Variants in SLC24A2 observed in about 807,000 individuals in gnomAD.
SLC24A2 encodes the protein sodium/potassium/calcium exchanger 2.
Under a neutral mutation model 62.0 loss-of-function variants are expected in SLC24A2, and 36 were observed. The observed-to-expected ratio is 0.58, with a 90% CI of 0.44 to 0.77. SLC24A2 has a LOEUF of 0.77. SLC24A2 is among the 30% of genes least tolerant of loss of function. SLC24A2 has a pLI of 0.00. For synonymous variants in SLC24A2, 358 were observed against 294.0 expected (o/e 1.22, Z -2.23); for missense variants, 846 against 817.9 (o/e 1.03, Z -0.42).
At chr9:19,577,151 A>G (rs1200390594) in intron 5 of SLC24A2, 129 bp from the exon 6 acceptor site, 2 of 775,054 alleles carry the variant, frequency 2.6e-6, no homozygotes, top group Non-Finnish European at 4.7e-6. Context: ...TCCAACCCCA[A>G]TGCACCAGGA....
chr9:19,588,854 G>A (rs1836457459), intron 5 of SLC24A2, among the ~76,000 whole-genome samples: 1 of 152,162 alleles, frequency 6.6e-6, no homozygotes, highest in African/African-American at 2.4e-5. Context: ...CCAGCTACCT[G>A]GGAGGCTGAG....
the SLC24A2 span, among the ~76,000 whole-genome samples, chr9:19,852,721 A>T: frequency 6.6e-6 from 1 of 152,140 alleles, no homozygotes. Context: ...TGGTTACTGT[A>T]GCCTGGTAGT....
At chr9:19,763,667 T>C (rs1189951465) in intron 2 of SLC24A2, among the ~76,000 whole-genome samples, 1 of 152,222 alleles carries the variant, frequency 6.6e-6, no homozygotes, top group Non-Finnish European at 1.5e-5. Context: ...GAAGCTGACT[T>C]GATCATGGTG....
the SLC24A2 span, among the ~76,000 whole-genome samples, chr9:20,216,901 A>G: frequency 2.0e-5 from 3 of 152,158 alleles, no homozygotes; most frequent in Non-Finnish European, 4.4e-5. Flanking sequence ...AAATATAATT[A>G]AATGTGTCTT....
At chr9:19,962,344 C>T in the SLC24A2 span, among the ~76,000 whole-genome samples, 7 of 152,170 alleles carry the variant, frequency 4.6e-5, no homozygotes, top group South Asian at 2.1e-4. Context: ...CTTGGCGATG[C>T]GGGCTCTTTT....
chr9:20,149,399 A>T, the SLC24A2 span, among the ~76,000 whole-genome samples: 1 of 151,922 alleles, frequency 6.6e-6, no homozygotes, highest in Non-Finnish European at 1.5e-5. Flanking sequence ...TAACTTCCAT[A>T]GGGATGATTT....
At chr9:19,934,147 CAG>C in the SLC24A2 span, among the ~76,000 whole-genome samples, 2 of 152,308 alleles carry the variant, frequency 1.3e-5, no homozygotes, top group African/African-American at 4.8e-5. This position sits in a 1 kb window ranked among gnomAD's most constrained non-coding sequence, Gnocchi z 4.1. Context: ...AATTTTAAAA[CAG>C]ATTTTCAGAG....
rs773230360 is a variant in SLC24A2 at position 19,550,231 on chromosome 9, G to T, written c.1385C>A (p.Ala462Asp). ...DEEEDQPLSL[A>D]WPSETRKQVT... The stretch of plus-strand genomic sequence containing the variant: ...TTGCTTGCGGGTTTCAGAAGGCCAG[G>T]CAAGGCTGAGAGGCTGGTCCTCCTC... Residue 462 changes from alanine (A) to aspartate (D), a missense_variant, in exon 8 of 11, where the codon GCC becomes GAC. By Grantham distance (126) the Ala-to-Asp change is moderately radical. Coordinates refer to ENST00000341998, the MANE Select transcript of SLC24A2 (RefSeq NM_020344.4). The T allele has an allele frequency of 2.5e-6, 4 of 1,614,168 alleles. No homozygotes were observed. The Admixed American group carries it at 6.7e-5, about 27-fold the overall frequency.
the SLC24A2 span, among the ~76,000 whole-genome samples, chr9:20,251,794 G>A: frequency 6.6e-6 from 1 of 152,184 alleles, no homozygotes; most frequent in Non-Finnish European, 1.5e-5. Flanking sequence ...GATTCTCCAA[G>A]ATCCCTCTGT....
the SLC24A2 span, among the ~76,000 whole-genome samples, chr9:20,035,334 T>A: frequency 6.6e-6 from 1 of 152,234 alleles, no homozygotes; most frequent in East Asian, 1.9e-4. Context: ...CAATAAATAT[T>A]AGCTATCATT....
intron 7 of SLC24A2, among the ~76,000 whole-genome samples, chr9:19,565,303 C>T (rs570610260): frequency 1.8e-4 from 26 of 146,240 alleles, no homozygotes; most frequent in Middle Eastern, 6.9e-3. Flanking sequence ...AAATCACAAG[C>T]ATTCTTATAC....
chr9:19,856,651 C>G, the SLC24A2 span, among the ~76,000 whole-genome samples: 1 of 152,134 alleles, frequency 6.6e-6, no homozygotes, highest in Non-Finnish European at 1.5e-5. Flanking sequence ...GCAAAGATGA[C>G]TGCTTGTTCC....
At chr9:19,585,050 A>G (rs1836329206) in intron 5 of SLC24A2, among the ~76,000 whole-genome samples, 1 of 152,196 alleles carries the variant, frequency 6.6e-6, no homozygotes, top group African/African-American at 2.4e-5. Flanking sequence ...ATACATAATT[A>G]TATCTCAAGT....
chr9:19,980,789 C>A, the SLC24A2 span, among the ~76,000 whole-genome samples: 133 of 152,224 alleles, frequency 8.7e-4, 1 homozygote, highest in Non-Finnish European at 4.6e-4. Context: ...CCCATCAGGA[C>A]AAAATTGTTG....
At chr9:19,928,801 G>T in the SLC24A2 span, 1 of 152,140 alleles carries the variant, frequency 6.6e-6, no homozygotes, top group East Asian at 1.9e-4. Flanking sequence ...GGTTCTATTA[G>T]TCTTTGGTTT....
chr9:19,644,864 A>G (rs948816064), intron 2 of SLC24A2, among the ~76,000 whole-genome samples: 5 of 152,146 alleles, frequency 3.3e-5, no homozygotes, highest in Non-Finnish European at 4.4e-5. Flanking sequence ...TAGGTGAATG[A>G]CTATATTAGT....
chr9:19,690,969 G>C (rs1046581292), intron 2 of SLC24A2, among the ~76,000 whole-genome samples: 3 of 151,978 alleles, frequency 2.0e-5, no homozygotes, highest in Admixed American at 2.0e-4. Flanking sequence ...ATGTGTATTG[G>C]CAAAAGAAAA....
chr9:20,072,790 C>G, the SLC24A2 span, among the ~76,000 whole-genome samples: 1 of 152,048 alleles, frequency 6.6e-6, no homozygotes, highest in Non-Finnish European at 1.5e-5. Context: ...ATACAAGAAG[C>G]TGAAGAAGGC....
the SLC24A2 span, among the ~76,000 whole-genome samples, chr9:20,040,846 C>T: frequency 2.0e-5 from 3 of 152,200 alleles, no homozygotes; most frequent in African/African-American, 7.2e-5. Flanking sequence ...TTAATCCTCA[C>T]AACAAGCCTA....
Sources: gnomAD v4.1 joint callset for allele counts (sites outside exome capture counted in the v4.1 genomes callset) on GRCh38, gnomAD v4.1.1 for gene constraint, Gnocchi (gnomAD v3.1) non-coding constraint, MANE v1.5 for transcripts, NCBI Gene and HGNC (gene_info 2026-07-23, HGNC 2026-07-21) for gene names.